Variants in NOL10 observed in about 807,000 individuals in gnomAD.
NOL10 encodes the protein nucleolar protein 10.
In NOL10, 58 loss-of-function variants were observed where a neutral mutation model predicts 103.5. The observed-to-expected ratio is 0.56, with a 90% CI of 0.45 to 0.70. The LOEUF (loss-of-function observed/expected upper bound fraction) is 0.70, where lower values mean the gene tolerates loss of function less well. Among genes scored for constraint, NOL10 ranks in the 30% least tolerant of loss-of-function variants. The pLI, the probability that NOL10 is intolerant of heterozygous loss-of-function variation, is 0.00. For missense variants in NOL10, 763 were observed against 807.3 expected (o/e 0.95, Z 0.67); for synonymous variants, 287 against 282.5 (o/e 1.02, Z -0.16).
intron 13 of NOL10, among the ~76,000 whole-genome samples, chr2:10,636,420 C>CAAAAAAAAAAAAAAAA (rs70953327): frequency 5.5e-5 from 3 of 54,700 alleles, no homozygotes; most frequent in Non-Finnish European, 9.3e-5. Flanking sequence ...TACAAAAAAC[C>CAAAAAAAAAAAAAAAA]AAAAAAAAAA....
At chr2:10,651,511 T>C (rs1325363556) in intron 12 of NOL10, among the ~76,000 whole-genome samples, 2 of 152,246 alleles carry the variant, frequency 1.3e-5, no homozygotes, top group African/African-American at 4.8e-5. Context: ...AAATTATTAA[T>C]GATCTATTTT....
chr2:10,638,300 A>AACGTGACGTG (rs147968545), intron 13 of NOL10, among the ~76,000 whole-genome samples: 178 of 87,180 alleles, frequency 2.0e-3, no homozygotes, highest in African/African-American at 6.1e-3. Flanking sequence ...AAAATAACGT[A>AACGTGACGTG]ACGTGACGTG....
At chr2:10,671,256 A>G (rs1472094704) in intron 6 of NOL10, among the ~76,000 whole-genome samples, 2 of 152,226 alleles carry the variant, frequency 1.3e-5, no homozygotes, top group Non-Finnish European at 2.9e-5. Flanking sequence ...TCCCATCAGT[A>G]TTTCCCAATG....
intron 14 of NOL10, among the ~76,000 whole-genome samples, chr2:10,603,461 G>A (rs1433755426): frequency 2.6e-5 from 4 of 152,096 alleles, no homozygotes; most frequent in South Asian, 4.1e-4. Flanking sequence ...CCACAAACAA[G>A]TTCAATTTAG....
At chr2:10,659,329 C>G (rs1359184135) in intron 9 of NOL10, 79 bp from the exon 10 acceptor site, 13 of 513,040 alleles carry the variant, frequency 2.5e-5, no homozygotes, top group Non-Finnish European at 4.5e-5. Context: ...TTAGTCTTCA[C>G]TTCAAATCTA....
At chr2:10,635,416 T>A (rs1678138010) in intron 13 of NOL10, among the ~76,000 whole-genome samples, 1 of 152,216 alleles carries the variant, frequency 6.6e-6, no homozygotes, top group South Asian at 2.1e-4. Context: ...CCCAGATATG[T>A]GCTATGATCA....
intron 20 of NOL10, among the ~76,000 whole-genome samples, 183 bp downstream of exon 20, chr2:10,577,453 T>A (rs562729545): frequency 6.6e-5 from 10 of 152,292 alleles, no homozygotes; most frequent in African/African-American, 2.4e-4. Context: ...TCTGCTGCAG[T>A]CACACACTGT....
At chr2:10,678,468 C>T (rs561111288) in intron 3 of NOL10, among the ~76,000 whole-genome samples, 4 of 150,180 alleles carry the variant, frequency 2.7e-5, no homozygotes, top group South Asian at 4.2e-4. Flanking sequence ...TATTTCTTAT[C>T]TTTCATCCCC....
intron 13 of NOL10, among the ~76,000 whole-genome samples, chr2:10,625,837 T>TTC (rs1268611955): frequency 2.6e-5 from 4 of 152,116 alleles, no homozygotes; most frequent in Non-Finnish European, 5.9e-5. Context: ...TTTTCTCCTC[T>TTC]AACCAATGAG....
At chr2:10,614,235 T>C (rs1327645713) in intron 13 of NOL10, among the ~76,000 whole-genome samples, 1 of 152,088 alleles carries the variant, frequency 6.6e-6, no homozygotes, top group Non-Finnish European at 1.5e-5. Context: ...GCTGGGATTA[T>C]AGACATGAGC....
At chr2:10,622,693 G>A (rs1677217661) in intron 13 of NOL10, among the ~76,000 whole-genome samples, 1 of 152,080 alleles carries the variant, frequency 6.6e-6, no homozygotes, top group Non-Finnish European at 1.5e-5. Flanking sequence ...TGCTGGCTGA[G>A]AACAGATATT....
intron 17 of NOL10, among the ~76,000 whole-genome samples, chr2:10,598,950 C>T (rs769282956): frequency 6.6e-6 from 1 of 152,154 alleles, no homozygotes; most frequent in Non-Finnish European, 1.5e-5. Flanking sequence ...TGGAACAATG[C>T]TAATTTTCCC....
chr2:10,612,112 G>T (rs1676606672), intron 13 of NOL10, among the ~76,000 whole-genome samples: 1 of 152,072 alleles, frequency 6.6e-6, no homozygotes, highest in African/African-American at 2.4e-5. Context: ...AACAGAGTGA[G>T]ACCCTGTCTC....
At chr2:10,663,688 G>A (rs569507261) in intron 8 of NOL10, among the ~76,000 whole-genome samples, 16 of 152,102 alleles carry the variant, frequency 1.1e-4, no homozygotes, top group South Asian at 8.3e-4. Flanking sequence ...CGGTGGCCAC[G>A]CCTGTAATCC....
chr2:10,609,508 G>A (rs1020791279), intron 13 of NOL10, among the ~76,000 whole-genome samples: 2 of 152,060 alleles, frequency 1.3e-5, no homozygotes, highest in Non-Finnish European at 2.9e-5. Flanking sequence ...GCTGAGGCAG[G>A]AGAATGGCAT....
At chr2:10,626,990 A>G (rs977711794) in intron 13 of NOL10, among the ~76,000 whole-genome samples, 2 of 152,208 alleles carry the variant, frequency 1.3e-5, no homozygotes, top group Admixed American at 1.3e-4. Context: ...TATGTCCGCT[A>G]TTCTTGTGAT....
At chr2:10,688,367 T>C (rs1045885421) in intron 1 of NOL10, among the ~76,000 whole-genome samples, 2 of 152,160 alleles carry the variant, frequency 1.3e-5, no homozygotes, top group Non-Finnish European at 2.9e-5. Context: ...TCATCCACCC[T>C]GCTCTCGCCC....
chr2:10,689,938 A>G lies in NOL10; in HGVS notation c.-77T>C. 7.1e-7 allele frequency: 1 copy of G among 1,408,524 alleles called. No homozygotes were observed. Among genetic ancestry groups the G allele is most frequent in the Non-Finnish European group, 9.8e-7 (1 of 1,018,446 alleles). The allele number at this position is 1,408,524 out of a possible 1,614,324, so 87.3% of individuals were successfully genotyped here. A position where few individuals can be genotyped will look rare whatever the true frequency, so the allele number is the denominator to read the frequency against. On this transcript the variant is annotated 5_prime_UTR_variant, in exon 1 of 21. Transcript: ENST00000381685. ...GAGCACCGTAATCCCGGGACCTCCG[A>G]GCCCCTGCTCCGCGGCGTGCGGCCG...
intron 13 of NOL10, among the ~76,000 whole-genome samples, chr2:10,619,939 C>T (rs1677040569): frequency 6.6e-6 from 1 of 152,214 alleles, no homozygotes; most frequent in Admixed American, 6.5e-5. Flanking sequence ...TACTTCTACC[C>T]TTTTCCTCTC....
Sources: gnomAD v4.1 joint callset for allele counts (sites outside exome capture counted in the v4.1 genomes callset) on GRCh38, gnomAD v4.1.1 for gene constraint, MANE v1.5 for transcripts, NCBI Gene and HGNC (gene_info 2026-07-23, HGNC 2026-07-21) for gene names.